TTC27: variants seen among roughly 807,000 people sequenced by gnomAD.
The protein encoded by TTC27 is tetratricopeptide repeat domain 27, also known as tetratricopeptide repeat protein 27.
Under a neutral mutation model 115.9 loss-of-function variants are expected in TTC27, and 79 were observed. The ratio of observed to expected loss-of-function variants is 0.68; its 90% confidence interval spans 0.57 to 0.82. The LOEUF is 0.82. Ranked by LOEUF, TTC27 falls within the 40% of genes least tolerant of loss-of-function variation. TTC27 has a pLI of 0.00. For missense variants in TTC27, 1,054 were observed against 993.1 expected, an observed-to-expected ratio of 1.06 and a Z score of -0.82; for synonymous variants, 401 against 356.0, an observed-to-expected ratio of 1.13 and a Z score of -1.42.
chr2:32,679,017 T>A, intron 9 of TTC27, 95 bp downstream of exon 9: 1 of 1,043,596 alleles, frequency 9.6e-7, no homozygotes, highest in Non-Finnish European at 1.4e-6. Context: ...GTTGAAACAC[T>A]GCCACCTAAG....
At chr2:32,632,364 A>T (rs921628146) in intron 2 of TTC27, among the ~76,000 whole-genome samples, 4 of 152,080 alleles carry the variant, frequency 2.6e-5, no homozygotes, top group Admixed American at 1.3e-4. Flanking sequence ...GCCTTGTGGC[A>T]CCCATTAAAA....
intron 13 of TTC27, among the ~76,000 whole-genome samples, chr2:32,769,872 TAA>T (rs1390141600): frequency 1.3e-5 from 2 of 152,136 alleles, no homozygotes; most frequent in African/African-American, 4.8e-5. Context: ...TTATATAGGT[TAA>T]ATGGAGAGAG....
intron 4 of TTC27, among the ~76,000 whole-genome samples, chr2:32,641,423 T>C (rs764499164): frequency 3.3e-5 from 5 of 152,250 alleles, no homozygotes; most frequent in Non-Finnish European, 5.9e-5. Context: ...ACATTTTCTA[T>C]ACTTCTCACA....
chr2:32,811,294 G>C, intron 17 of TTC27, 73 bp downstream of exon 17: 1 of 1,378,192 alleles, frequency 7.3e-7, no homozygotes, highest in Non-Finnish European at 1.0e-6. Flanking sequence ...TTTTTGATGG[G>C]TGGAGGAAGA....
chr2:32,706,556 C>T (rs1191697636), intron 10 of TTC27, among the ~76,000 whole-genome samples: 2 of 152,108 alleles, frequency 1.3e-5, no homozygotes, highest in African/African-American at 4.8e-5. Flanking sequence ...TATCCATTCT[C>T]CCTGCTCCCT....
At chr2:32,726,696 A>G (rs1668118919) in intron 10 of TTC27, among the ~76,000 whole-genome samples, 1 of 152,178 alleles carries the variant, frequency 6.6e-6, no homozygotes, top group Admixed American at 6.5e-5. Flanking sequence ...AGTTGCTTCC[A>G]CATTTTTGTG....
At position 32,801,295 on chromosome 2, in the gene TTC27, A is replaced by G. The variant is rs116555876; in HGVS notation, c.1999-9729A>G. 5.4e-3 allele frequency among the ~76,000 whole-genome samples: 822 copies of G among 152,334 alleles called. 9 individuals carry two copies. Among genetic ancestry groups the G allele is most frequent in the African/African-American group, 0.019 (778 of 41,578 alleles). The stretch of plus-strand genomic sequence containing the variant: ...ACTGAGTTCTAGAGACCAGAAGTCA[A>G]GTTCGAAATCAAGGTGTTGACTTGG... On this transcript the variant is annotated intron_variant, in intron 16 of 19. Coordinates refer to ENST00000317907, the MANE Select transcript of TTC27 (RefSeq NM_017735.5).
At chr2:32,728,414 T>C (rs76083800) in intron 10 of TTC27, among the ~76,000 whole-genome samples, 8,248 of 152,180 alleles carry the variant, frequency 0.054, 253 homozygotes, top group East Asian at 0.1. Context: ...CATCTCCCAT[T>C]AGTAGACCCA....
rs552568321 is a variant in TTC27, at chr2:32,796,108, A to G, written c.1998+8959A>G. ...TAGAACTAATAAATGAATTCAGCAT[A>G]GTAGCAGGATGCAAAGTCAGCACAC... On this transcript the variant is annotated intron_variant, in intron 16 of 19. Transcript: ENST00000317907. Among the ~76,000 whole-genome samples, 27 of 152,364 alleles carry G rather than the reference A, an allele frequency of 1.8e-4. 1 individual carries two copies. In the South Asian group the frequency reaches 5.4e-3, roughly 30 times the overall value.
At chr2:32,749,090 T>C (rs1668924316) in intron 12 of TTC27, among the ~76,000 whole-genome samples, 1 of 152,258 alleles carries the variant, frequency 6.6e-6, no homozygotes, top group Non-Finnish European at 1.5e-5. Flanking sequence ...GGATAGTTTC[T>C]GTTGATTGCC....
intron 5 of TTC27, among the ~76,000 whole-genome samples, chr2:32,657,723 C>A (rs1471298743): frequency 1.3e-5 from 2 of 152,212 alleles, no homozygotes; most frequent in East Asian, 3.9e-4. Context: ...TTTTCATACC[C>A]CTTTCCCCTA....
intron 1 of TTC27, among the ~76,000 whole-genome samples, chr2:32,629,425 G>A (rs1166508138): frequency 6.6e-6 from 1 of 151,636 alleles, no homozygotes; most frequent in Non-Finnish European, 1.5e-5. Flanking sequence ...CGGCCTAGGC[G>A]GCAATGATTT....
At chr2:32,634,749 T>C (rs1223518806) in intron 3 of TTC27, among the ~76,000 whole-genome samples, 1 of 151,936 alleles carries the variant, frequency 6.6e-6, no homozygotes, top group African/African-American at 2.4e-5. Flanking sequence ...CTCTGCCCCA[T>C]GGGTTCAAGC....
At chr2:32,720,408 G>T (rs1667884074) in intron 10 of TTC27, among the ~76,000 whole-genome samples, 1 of 151,160 alleles carries the variant, frequency 6.6e-6, no homozygotes, top group Non-Finnish European at 1.5e-5. Flanking sequence ...AGTTAGCTAA[G>T]TTAAAGACTG....
intron 12 of TTC27, among the ~76,000 whole-genome samples, chr2:32,742,377 G>T (rs1241215521): frequency 6.6e-6 from 1 of 152,194 alleles, no homozygotes; most frequent in Non-Finnish European, 1.5e-5. Flanking sequence ...AATAAAGCCT[G>T]TTTTTAATTA....
At chr2:32,766,908 C>T (rs756748998) in intron 13 of TTC27, among the ~76,000 whole-genome samples, 78 of 152,148 alleles carry the variant, frequency 5.1e-4, no homozygotes, top group Admixed American at 3.6e-3. Context: ...GCGTCAGCCA[C>T]CTGAGAAGCT....
chr2:32,777,905 T>C lies in TTC27; in HGVS notation c.1704T>C (p.Gly568=), dbSNP rs1670050616. The C allele has an allele frequency of 2.5e-6, 4 of 1,614,178 alleles. No homozygotes were observed. The highest frequency in any genetic ancestry group is 1.7e-5 in the Admixed American group (1 of 60,026). The change falls in exon 14 of 20, where the codon GGT becomes GGC. Residue 568 remains glycine, a synonymous_variant. Coordinates refer to ENST00000317907, the MANE Select transcript of TTC27 (RefSeq NM_017735.5). ...PMQLGVWFSL[G]CAYLALEDYQ... is the part of the protein sequence containing the mutation. Reference sequence around the variant, plus strand: ...AGCTCGGGGTGTGGTTTTCTCTCGGTTGTGCCTATTTGGCCTTGGAAGACT... The same window carrying C: ...AGCTCGGGGTGTGGTTTTCTCTCGGCTGTGCCTATTTGGCCTTGGAAGACT...
Position 32,724,367 on chromosome 2 carries a change from C to T in TTC27, c.1234-9461C>T, listed in dbSNP as rs113903717. Reference sequence around the variant, plus strand: ...ACTGTGTTGATATTTGCATATTGGTCCAGAAGCAGTGGAAGGGCAGGGGAG... The same window carrying T: ...ACTGTGTTGATATTTGCATATTGGTTCAGAAGCAGTGGAAGGGCAGGGGAG... On this transcript the variant is annotated intron_variant, in intron 10 of 19. Coordinates refer to ENST00000317907, the MANE Select transcript of TTC27 (RefSeq NM_017735.5). Among the ~76,000 whole-genome samples, 1,323 of 152,182 alleles carry T rather than the reference C, an allele frequency of 8.7e-3. 10 individuals carry two copies. The highest frequency in any genetic ancestry group is 0.017 in the Middle Eastern group (5 of 294).
chr2:32,634,028 A>G lies in TTC27; in HGVS notation c.396+23A>G, dbSNP rs1189308669. 2.5e-6 allele frequency: 4 copies of G among 1,600,334 alleles called. No individual in the cohort carries two copies. The South Asian group carries it at 3.4e-5, about 14-fold the overall frequency. On this transcript the variant is annotated intron_variant, in intron 3 of 19. Coordinates refer to ENST00000317907, the MANE Select transcript of TTC27 (RefSeq NM_017735.5). Reference sequence around the variant, plus strand: ...GAGGTATGCTTCTTGAAAATGTTGTATGTAATTATTATTATGTTATTTATT... The same window carrying G: ...GAGGTATGCTTCTTGAAAATGTTGTGTGTAATTATTATTATGTTATTTATT...
Sources: gnomAD v4.1 joint callset for allele counts (sites outside exome capture counted in the v4.1 genomes callset) on GRCh38, gnomAD v4.1.1 for gene constraint, MANE v1.5 for transcripts, NCBI Gene and HGNC (gene_info 2026-07-23, HGNC 2026-07-21) for gene names.